NTRK2: variants seen among roughly 807,000 people sequenced by gnomAD.
The protein encoded by NTRK2 is BDNF/NT-3 growth factors receptor.
In NTRK2, 13 loss-of-function variants were observed where a neutral mutation model predicts 94.5. That is an observed-to-expected ratio of 0.14 (90% CI 0.09 to 0.22). The LOEUF is 0.22. NTRK2 is among the 10% of genes least tolerant of loss of function. The pLI is 1.00. For missense variants in NTRK2, 639 were observed against 1,071.2 expected (o/e 0.60, Z 5.63); for synonymous variants, 372 against 407.4 (o/e 0.91, Z 1.05).
chr9:84,931,619 A>G (rs1050919420), intron 14 of NTRK2, among the ~76,000 whole-genome samples: 3 of 152,000 alleles, frequency 2.0e-5, no homozygotes, highest in African/African-American at 7.2e-5. Context: ...TTAGTTTTGG[A>G]AATAATGAAA....
chr9:84,781,379 A>C (rs1386065629), intron 12 of NTRK2, among the ~76,000 whole-genome samples: 1 of 152,046 alleles, frequency 6.6e-6, no homozygotes, highest in Admixed American at 6.5e-5. Flanking sequence ...TTAAGAGTTC[A>C]TAACATTCTC....
chr9:84,778,189 G>A (rs1440930067), intron 12 of NTRK2, among the ~76,000 whole-genome samples: 1 of 152,026 alleles, frequency 6.6e-6, no homozygotes, highest in Non-Finnish European at 1.5e-5. Flanking sequence ...CTTGAGCCTG[G>A]GAGGCAGAGG....
intron 12 of NTRK2, among the ~76,000 whole-genome samples, chr9:84,773,987 C>G (rs1009492777): frequency 1.3e-5 from 2 of 152,190 alleles, no homozygotes; most frequent in Non-Finnish European, 2.9e-5. Flanking sequence ...TGGCTCCTAA[C>G]GTCAAGTCTG....
At chr9:84,928,248 T>C (rs1273285002) in intron 14 of NTRK2, among the ~76,000 whole-genome samples, 1 of 152,244 alleles carries the variant, frequency 6.6e-6, no homozygotes, top group Non-Finnish European at 1.5e-5. Flanking sequence ...GTGGATGATT[T>C]TACCTGATTC....
intron 9 of NTRK2, among the ~76,000 whole-genome samples, chr9:84,733,401 T>C (rs746414418): frequency 6.6e-6 from 1 of 152,228 alleles, no homozygotes; most frequent in Non-Finnish European, 1.5e-5. Flanking sequence ...CTTAACATCC[T>C]ATTATGCTAG....
chr9:84,821,547 G>A (rs2072833537), intron 12 of NTRK2, among the ~76,000 whole-genome samples: 1 of 152,154 alleles, frequency 6.6e-6, no homozygotes, highest in Non-Finnish European at 1.5e-5. Flanking sequence ...AAGTTTTGCT[G>A]AGAAGAAATA....
intron 12 of NTRK2, among the ~76,000 whole-genome samples, chr9:84,839,595 T>C (rs1464479065): frequency 6.6e-6 from 1 of 152,206 alleles, no homozygotes; most frequent in East Asian, 1.9e-4. Context: ...CAGATATTTA[T>C]GGAGCGCGTA....
chr9:84,756,877 A>C (rs753150211), intron 12 of NTRK2, among the ~76,000 whole-genome samples: 30 of 152,214 alleles, frequency 2.0e-4, no homozygotes, highest in Non-Finnish European at 2.9e-5. Flanking sequence ...CCACAGTTCA[A>C]CTTTCTGCTC....
Position 84,854,268 on chromosome 9 carries a change from C to T in NTRK2, c.1397-6772C>T, listed in dbSNP as rs76309318. On this transcript the variant is annotated intron_variant, in intron 12 of 18. Coordinates refer to ENST00000277120, the MANE Select transcript of NTRK2 (RefSeq NM_006180.6). ...ACTCCAAGTTCCCCAGGCATTTGAA[C>T]TCCAGTTGTCCACAGTGTAACCCAC... Among the ~76,000 whole-genome samples, 19 of 152,248 alleles carry T rather than the reference C, an allele frequency of 1.2e-4. No individual in the cohort carries two copies. The East Asian group carries it at 3.1e-3, about 25-fold the overall frequency.
chr9:84,855,524 T>C (rs533706167), intron 12 of NTRK2, among the ~76,000 whole-genome samples: 1 of 152,186 alleles, frequency 6.6e-6, no homozygotes, highest in African/African-American at 2.4e-5. Flanking sequence ...CACACAATTT[T>C]AAATTTGTGC....
chr9:84,731,729 G>A (rs753932756), intron 9 of NTRK2, among the ~76,000 whole-genome samples: 6 of 152,040 alleles, frequency 3.9e-5, no homozygotes, highest in Admixed American at 2.6e-4. Context: ...TCAAGACAGC[G>A]GCAGCCCAGT....
intron 17 of NTRK2, among the ~76,000 whole-genome samples, chr9:84,974,752 G>A (rs529348406): frequency 1.3e-5 from 2 of 152,046 alleles, no homozygotes; most frequent in Non-Finnish European, 2.9e-5. Flanking sequence ...ACCTTTGTAG[G>A]TCCCCTTAGA....
At chr9:84,723,879 C>G (rs76545282) in intron 7 of NTRK2, among the ~76,000 whole-genome samples, 170 bp downstream of exon 7, 2 of 152,184 alleles carry the variant, frequency 1.3e-5, no homozygotes, top group African/African-American at 4.8e-5. Context: ...TTAATAAAGA[C>G]TAATGCAGGC....
intron 17 of NTRK2, among the ~76,000 whole-genome samples, chr9:84,981,853 A>G (rs1167840254): frequency 6.6e-6 from 1 of 152,238 alleles, no homozygotes; most frequent in Non-Finnish European, 1.5e-5. Flanking sequence ...AGGTAAGTCT[A>G]TGCAGACAAA....
intron 6 of NTRK2, among the ~76,000 whole-genome samples, chr9:84,716,788 A>G (rs2061737681): frequency 6.6e-6 from 1 of 152,156 alleles, no homozygotes; most frequent in Non-Finnish European, 1.5e-5. Context: ...TGCTGTTTAA[A>G]TTTTTGTGTT....
chr9:84,979,713 G>A (rs1474102348), intron 17 of NTRK2, among the ~76,000 whole-genome samples: 2 of 152,170 alleles, frequency 1.3e-5, no homozygotes, highest in African/African-American at 4.8e-5. Flanking sequence ...TTTTGTGAAA[G>A]GAAGAGTCAA....
chr9:84,807,079 G>T (rs1458534848), intron 12 of NTRK2, among the ~76,000 whole-genome samples: 1 of 152,202 alleles, frequency 6.6e-6, no homozygotes, highest in Non-Finnish European at 1.5e-5. Context: ...GATAGCAGCT[G>T]CATCTTTCTT....
At chr9:84,848,172 C>A (rs1283902902) in intron 12 of NTRK2, among the ~76,000 whole-genome samples, 1 of 151,994 alleles carries the variant, frequency 6.6e-6, no homozygotes, top group African/African-American at 2.4e-5. Context: ...GATTAGGGAC[C>A]TACCCTTGTG....
In NTRK2 at chr9:85,021,380, T is replaced by C; in HGVS notation, c.2460T>C (p.His820=). ...TGAGGAAGAACATCAAGGGCATCCATACCCTCCTTCAGAACTTGGCCAAGG... is the reference window on the plus strand; with the variant it reads ...TGAGGAAGAACATCAAGGGCATCCACACCCTCCTTCAGAACTTGGCCAAGG... ...PHMRKNIKGI[H]TLLQNLAKAS... The change falls in exon 19 of 19, where the codon CAT becomes CAC. Residue 820 remains histidine (H), a synonymous_variant. Transcript: ENST00000277120. 6.2e-7 allele frequency: 1 copy of C among 1,614,180 alleles called. No homozygotes were observed. Among genetic ancestry groups the C allele is most frequent in the East Asian group, 2.2e-5 (1 of 44,872 alleles).
Sources: gnomAD v4.1 joint callset for allele counts (sites outside exome capture counted in the v4.1 genomes callset) on GRCh38, gnomAD v4.1.1 for gene constraint, MANE v1.5 for transcripts, NCBI Gene and HGNC (gene_info 2026-07-23, HGNC 2026-07-21) for gene names.